Variants in FXR1 observed in about 807,000 individuals in gnomAD.
The protein encoded by FXR1 is FMR1 autosomal homolog 1, also known as RNA-binding protein FXR1.
A neutral mutation model predicts 84.0 loss-of-function variants in FXR1; 15 were observed. That is an observed-to-expected ratio of 0.18 (90% confidence interval 0.12 to 0.27). The LOEUF (loss-of-function observed/expected upper bound fraction) is 0.27, where lower values mean the gene tolerates loss of function less well. Ranked by LOEUF, FXR1 falls within the 10% of genes least tolerant of loss-of-function variation. The probability of loss-of-function intolerance (pLI) is 1.00; values close to 1 mark genes in which losing one functional copy is unlikely to be tolerated. For missense variants in FXR1, 480 were observed against 774.4 expected (o/e 0.62, Z 4.51); for synonymous variants, 245 against 250.7 (o/e 0.98, Z 0.21).
chr3:180,949,078 G>C (rs1721963721), intron 6 of FXR1, 149 bp from the exon 7 acceptor site: 2 of 680,506 alleles, frequency 2.9e-6, no homozygotes, highest in Non-Finnish European at 2.7e-6. Flanking sequence ...ATTCAGAAAG[G>C]AAAGTGTGAT....
At chr3:180,914,938 T>C (rs1717699581) in intron 1 of FXR1, 3 of 984,726 alleles carry the variant, frequency 3.0e-6, no homozygotes, top group Admixed American at 1.2e-4. Context: ...TCTGGAAGAA[T>C]GAGAATGGCG....
chr3:180,948,834 T>G lies in FXR1; in HGVS notation c.513+20T>G, dbSNP rs766623898. On this transcript the variant is annotated intron_variant, in intron 6 of 16. Coordinates refer to ENST00000357559, the MANE Select transcript of FXR1 (RefSeq NM_005087.4). ...ATACTGGTAAGATAGTACCATATTA[T>G]AAGGTAGCTTATTAATGGATATTGC... 1.9e-5 allele frequency: 20 copies of G among 1,038,066 alleles called. No individual in the cohort carries two copies. The highest frequency in any genetic ancestry group is 2.9e-5 in the Non-Finnish European group (19 of 662,738). 64.3% of individuals were successfully genotyped at this position (1,038,066 alleles called of 1,614,324 possible).
chr3:180,968,496 G>A, intron 14 of FXR1: 5 of 348,190 alleles, frequency 1.4e-5, no homozygotes, highest in South Asian at 5.7e-5. Flanking sequence ...TATGATGAGG[G>A]TCAGATGTTT....
intron 3 of FXR1, among the ~76,000 whole-genome samples, chr3:180,942,059 ACTTATT>A (rs1310255823): frequency 7.2e-5 from 11 of 152,082 alleles, no homozygotes; most frequent in African/African-American, 2.4e-4. Flanking sequence ...TGTCTTTGAT[ACTTATT>A]CTTAATTTGG....
At chr3:180,955,810 T>A (rs995637436) in intron 9 of FXR1, among the ~76,000 whole-genome samples, 1 of 152,062 alleles carries the variant, frequency 6.6e-6, no homozygotes, top group Admixed American at 6.5e-5. Flanking sequence ...AATAAGAAAA[T>A]TGGGTATATT....
intron 3 of FXR1, among the ~76,000 whole-genome samples, chr3:180,940,631 C>T (rs1017803643): frequency 2.7e-5 from 4 of 148,468 alleles, no homozygotes; most frequent in African/African-American, 1.0e-4. Flanking sequence ...GGCTCTAGTG[C>T]AATGGCGCCA....
intron 1 of FXR1, among the ~76,000 whole-genome samples, chr3:180,925,396 A>C (rs1451343467): frequency 6.6e-6 from 1 of 150,986 alleles, no homozygotes; most frequent in Non-Finnish European, 1.5e-5. Context: ...TGTTGTCTCC[A>C]GGATTTTCTT....
At chr3:180,930,943 C>T (rs530843001) in intron 1 of FXR1, among the ~76,000 whole-genome samples, 3 of 142,654 alleles carry the variant, frequency 2.1e-5, no homozygotes, top group East Asian at 2.2e-4. Flanking sequence ...GTAGGAGGAT[C>T]GCTTGAGCCA....
In FXR1 at chr3:180,915,767, T is replaced by C. The variant is rs1211750729; in HGVS notation, c.51+3031T>C. ...CCTTGAGGCAGTACTCTGTAGACTT[T>C]GATTAAAGTTTTTGTAGTAGAACTG... On this transcript the variant is annotated intron_variant, in intron 1 of 16. Coordinates refer to ENST00000357559, the MANE Select transcript of FXR1 (RefSeq NM_005087.4). 7 of 605,198 alleles carry C rather than the reference T, an allele frequency of 1.2e-5. 1 individual carries two copies. Among genetic ancestry groups the C allele is most frequent in the Admixed American group, 9.1e-5 (3 of 33,116 alleles). 37.5% of individuals were successfully genotyped at this position (605,198 alleles called of 1,614,324 possible). A position where few individuals can be genotyped will look rare whatever the true frequency, so the allele number is the denominator to read the frequency against.
intron 10 of FXR1, among the ~76,000 whole-genome samples, chr3:180,958,804 C>CTT (rs748793011): frequency 3.7e-5 from 5 of 133,956 alleles, no homozygotes; most frequent in Non-Finnish European, 4.9e-5. Flanking sequence ...AAAGTATTGA[C>CTT]TTTTTTTTTT....
At chr3:180,945,539 G>A (rs1414850496) in intron 3 of FXR1, among the ~76,000 whole-genome samples, 1 of 152,134 alleles carries the variant, frequency 6.6e-6, no homozygotes. Context: ...CATGTAGGTG[G>A]CACCACAGGT....
At chr3:180,924,994 T>C (rs892119261) in intron 1 of FXR1, among the ~76,000 whole-genome samples, 53 of 152,346 alleles carry the variant, frequency 3.5e-4, no homozygotes, top group African/African-American at 9.1e-4. Context: ...CATATTCATA[T>C]TCAGATACCT....
chr3:180,981,689 A>AT lies in FXR1; in HGVS notation c.*5401dup, dbSNP rs1714617168. ...AATTGGAGAAGACACCAAGGACCTA[A>AT]TTTTAGTTTCACTAGCCGTGGGACC... is the stretch of plus-strand genomic sequence containing the variant. On this transcript the variant is annotated 3_prime_UTR_variant, in exon 17 of 17. Coordinates refer to ENST00000357559, the MANE Select transcript of FXR1 (RefSeq NM_005087.4). 6.6e-6 allele frequency: 1 copy of AT among 152,050 alleles called. No individual in the cohort carries two copies. Among genetic ancestry groups the AT allele is most frequent in the Non-Finnish European group, 1.5e-5 (1 of 67,960 alleles). 9.4% of individuals were successfully genotyped at this position (152,050 alleles called of 1,614,324 possible).
chr3:180,937,902 TC>T (rs1720703595), intron 3 of FXR1, among the ~76,000 whole-genome samples: 1 of 152,180 alleles, frequency 6.6e-6, no homozygotes, highest in African/African-American at 2.4e-5. Context: ...ACCCACCCTA[TC>T]TTAAATCTCA....
intron 1 of FXR1, among the ~76,000 whole-genome samples, chr3:180,930,837 C>T (rs1023050934): frequency 2.0e-5 from 3 of 151,820 alleles, no homozygotes; most frequent in African/African-American, 7.3e-5. Context: ...GAGTTCGAGA[C>T]CAGCCTGGCC....
intron 2 of FXR1, among the ~76,000 whole-genome samples, chr3:180,934,873 G>A (rs1258066086): frequency 6.6e-6 from 1 of 152,116 alleles, no homozygotes; most frequent in Non-Finnish European, 1.5e-5. Context: ...TGAGTAATTT[G>A]GGAGAATGTG....
At chr3:180,915,584 A>G (rs1717793454) in intron 1 of FXR1, 1 of 926,540 alleles carries the variant, frequency 1.1e-6, no homozygotes, top group African/African-American at 1.6e-5. Context: ...AGCTGTTAAC[A>G]TTTTAGTGTA....
At chr3:180,914,145 G>GT (rs1295813313) in intron 1 of FXR1, among the ~76,000 whole-genome samples, 1 of 152,128 alleles carries the variant, frequency 6.6e-6, no homozygotes. Flanking sequence ...ATGTTAATGC[G>GT]TGAGTAGTTA....
intron 3 of FXR1, among the ~76,000 whole-genome samples, chr3:180,936,145 T>TC (rs1720500618): frequency 6.8e-6 from 1 of 146,768 alleles, no homozygotes; most frequent in Non-Finnish European, 1.5e-5. Context: ...GCCCACTTTG[T>TC]CCCCCCAAAA....
Sources: gnomAD v4.1 joint callset for allele counts (sites outside exome capture counted in the v4.1 genomes callset) on GRCh38, gnomAD v4.1.1 for gene constraint, MANE v1.5 for transcripts, NCBI Gene and HGNC (gene_info 2026-07-23, HGNC 2026-07-21) for gene names.